The following GEMIN2 variants were observed in gnomAD, a reference collection of about 807,000 sequenced individuals.
GEMIN2 encodes the protein gem-associated protein 2.
In GEMIN2, 37 loss-of-function variants were observed where a neutral mutation model predicts 45.8. The ratio of observed to expected loss-of-function variants is 0.81; its 90% CI spans 0.62 to 1.06. The LOEUF is 1.06. Among genes scored for constraint, GEMIN2 ranks in the 50% least tolerant of loss-of-function variants. The probability of loss-of-function intolerance (pLI) is 0.00; values close to 1 mark genes in which losing one functional copy is unlikely to be tolerated. For missense variants in GEMIN2, 335 were observed against 321.8 expected (o/e 1.04, Z -0.31); for synonymous variants, 101 against 111.5 (o/e 0.91, Z 0.60).
intron 6 of GEMIN2, among the ~76,000 whole-genome samples, 153 bp downstream of exon 6, chr14:39,125,189 A>G (rs1195109298): frequency 6.6e-6 from 1 of 152,206 alleles, no homozygotes; most frequent in Non-Finnish European, 1.5e-5. Context: ...ACAACCCTCT[A>G]TGGAGAGTTA....
intron 2 of GEMIN2, among the ~76,000 whole-genome samples, 188 bp downstream of exon 2, chr14:39,115,101 G>A (rs2052484501): frequency 1.3e-5 from 2 of 152,230 alleles, no homozygotes; most frequent in Admixed American, 1.3e-4. Context: ...GAGGCTTTCT[G>A]TAACTCTAGC....
At position 39,114,365 on chromosome 14, in the gene GEMIN2, A is replaced by G; in HGVS notation, c.27A>G (p.Ala9=). The G allele has an allele frequency of 1.2e-6, 2 of 1,613,832 alleles. No individual in the cohort carries two copies. Among genetic ancestry groups the G allele is most frequent in the East Asian group, 2.2e-5 (1 of 44,884 alleles). Residue 9 remains alanine (A), a synonymous_variant, in exon 1 of 10, where the codon GCA becomes GCG. Transcript: ENST00000308317. ...TGGCGTGGGTACCAGCGGAGTCCGC[A>G]GTGGAAGAGTTGATGCCTCGGCTAT... is the stretch of plus-strand genomic sequence containing the variant. MAWVPAES[A]VEELMPRLLP...
chr14:39,127,092 T>C (rs1207014890), intron 6 of GEMIN2, among the ~76,000 whole-genome samples: 38 of 145,780 alleles, frequency 2.6e-4, no homozygotes, highest in Non-Finnish European at 2.6e-4. Flanking sequence ...AAATACATCT[T>C]TTTTTTTTTT....
At position 39,125,032 on chromosome 14, in the gene GEMIN2, A is replaced by G; in HGVS notation, c.527A>G (p.Asn176Ser). The change falls in exon 6 of 10, where the codon AAT becomes AGT. Residue 176 changes from asparagine to serine, a missense_variant. Asn to Ser is a conservative substitution (Grantham distance 46). Transcript: ENST00000308317. ...PPLLSIVSRM[N>S]QATVTSVLEY... ...TTGCTTAGTATTGTTAGCAGAATGA[A>G]TCAGGTAAAATTAATAATAGAGATA... 2.1e-6 allele frequency: 3 copies of G among 1,413,596 alleles called. No individual in the cohort carries two copies. The highest frequency in any genetic ancestry group is 1.4e-5 in the African/African-American group (1 of 70,908). The allele number at this position is 1,413,596 out of a possible 1,614,324, so 87.6% of individuals were successfully genotyped here.
chr14:39,119,073 C>G (rs188292563), intron 4 of GEMIN2, among the ~76,000 whole-genome samples: 1 of 152,218 alleles, frequency 6.6e-6, no homozygotes, highest in Admixed American at 6.5e-5. Context: ...CTGTACCCAG[C>G]CTTTCATGTC....
Position 39,132,058 on chromosome 14 carries a change from G to A in GEMIN2, c.701G>A (p.Arg234Lys). Reference protein sequence around the residue: ...RQLARRCSEVRLLVDSKDDER... With the variant: ...RQLARRCSEVKLLVDSKDDER... ...CTTGCAAGAAGGTGCTCTGAAGTGAGGCTCTTAGTGGTAAGTTGCAACTTA... is the reference window on the plus strand; with the variant it reads ...CTTGCAAGAAGGTGCTCTGAAGTGAAGCTCTTAGTGGTAAGTTGCAACTTA... The change falls in exon 8 of 10, where the codon AGG (arginine) becomes AAG (lysine). Residue 234 changes from arginine to lysine, a missense_variant. Coordinates refer to ENST00000308317, the MANE Select transcript of GEMIN2 (RefSeq NM_003616.3). 6.7e-7 allele frequency: 1 copy of A among 1,495,962 alleles called. No individual in the cohort carries two copies. Among genetic ancestry groups the A allele is most frequent in the Non-Finnish European group, 9.3e-7 (1 of 1,072,984 alleles). 92.7% of individuals were successfully genotyped at this position (1,495,962 alleles called of 1,614,324 possible). A position where few individuals can be genotyped will look rare whatever the true frequency, so the allele number is the denominator to read the frequency against.
At chr14:39,130,010 G>A (rs1425693723) in intron 7 of GEMIN2, among the ~76,000 whole-genome samples, 1 of 137,018 alleles carries the variant, frequency 7.3e-6, no homozygotes, top group South Asian at 2.2e-4. Context: ...GTGCCATCTC[G>A]GCTCACTGCA....
chr14:39,123,834 C>A (rs1219302498), intron 5 of GEMIN2, among the ~76,000 whole-genome samples: 1 of 148,370 alleles, frequency 6.7e-6, no homozygotes, highest in Admixed American at 6.8e-5. Flanking sequence ...AATCCTCCCA[C>A]GTCAGCCTTC....
intron 5 of GEMIN2, 45 bp from the exon 6 acceptor site, chr14:39,124,947 C>CT (rs2052621306): frequency 1.0e-6 from 1 of 972,536 alleles, no homozygotes; most frequent in African/African-American, 1.6e-5. Flanking sequence ...AAAAATGAAG[C>CT]TTATAATACC....
intron 8 of GEMIN2, among the ~76,000 whole-genome samples, 175 bp from the exon 9 acceptor site, chr14:39,133,486 A>C (rs1339431081): frequency 6.6e-6 from 1 of 150,924 alleles, no homozygotes; most frequent in African/African-American, 2.4e-5. Flanking sequence ...GATGTTTCTC[A>C]AGGAATCATT....
intron 9 of GEMIN2, 82 bp downstream of exon 9, chr14:39,133,801 T>G: frequency 1.2e-6 from 1 of 825,168 alleles, no homozygotes. Flanking sequence ...TGGTTTTTGT[T>G]TGGTTGGTTT....
chr14:39,131,009 G>A (rs924665737), intron 7 of GEMIN2, among the ~76,000 whole-genome samples: 1 of 151,674 alleles, frequency 6.6e-6, no homozygotes, highest in Admixed American at 6.6e-5. Context: ...TTGAAAAAAG[G>A]TTGTACAGCC....
Position 39,114,366 on chromosome 14 carries a change from G to C in GEMIN2, c.28G>C (p.Val10Leu). The C allele has an allele frequency of 6.2e-7, 1 of 1,613,936 alleles. No homozygotes were observed. The highest frequency in any genetic ancestry group is 1.1e-5 in the South Asian group (1 of 91,074). MAWVPAESA[V>L]EELMPRLLPV... ...GGCGTGGGTACCAGCGGAGTCCGCA[G>C]TGGAAGAGTTGATGCCTCGGCTATT... is the stretch of plus-strand genomic sequence containing the variant. The change falls in exon 1 of 10, where the codon GTG becomes CTG. Residue 10 changes from valine (V) to leucine (L), a missense_variant. By Grantham distance (32) the Val-to-Leu change is conservative (BLOSUM62 1). Coordinates refer to ENST00000308317, the MANE Select transcript of GEMIN2 (RefSeq NM_003616.3).
intron 6 of GEMIN2, among the ~76,000 whole-genome samples, chr14:39,126,795 C>G (rs560895030): frequency 5.3e-5 from 8 of 152,196 alleles, no homozygotes; most frequent in Non-Finnish European, 1.2e-4. Context: ...GAGAGGGAGT[C>G]TCGCTCTGTC....
chr14:39,123,940 TG>T (rs1383881065), intron 5 of GEMIN2, among the ~76,000 whole-genome samples: 3 of 151,366 alleles, frequency 2.0e-5, no homozygotes, highest in Admixed American at 2.0e-4. Context: ...AAAATTTTTT[TG>T]TAGAGAGAAG....
chr14:39,115,997 A>G (rs1449725951), intron 2 of GEMIN2, among the ~76,000 whole-genome samples: 1 of 152,194 alleles, frequency 6.6e-6, no homozygotes, highest in Non-Finnish European at 1.5e-5. Context: ...ATAATAATCA[A>G]TAAATGACAG....
intron 3 of GEMIN2, 33 bp from the exon 4 acceptor site, chr14:39,118,507 G>C (rs1314055462): frequency 6.2e-6 from 6 of 973,930 alleles, no homozygotes; most frequent in Non-Finnish European, 1.0e-5. Context: ...TTTTTGAAGA[G>C]TACCATCTAA....
chr14:39,133,304 A>G (rs1257513722), intron 8 of GEMIN2, among the ~76,000 whole-genome samples: 1 of 18,812 alleles, frequency 5.3e-5, no homozygotes, highest in African/African-American at 2.2e-4. Context: ...TAAGACACAT[A>G]TATAATATAT....
At chr14:39,120,165 G>A (rs2052557451) in intron 4 of GEMIN2, among the ~76,000 whole-genome samples, 1 of 152,200 alleles carries the variant, frequency 6.6e-6, no homozygotes, top group Admixed American at 6.5e-5. Context: ...CATCAGAACA[G>A]TGGAATATTA....
Sources: allele counts gnomAD v4.1 joint callset (sites outside exome capture counted in the v4.1 genomes callset), GRCh38; gene constraint gnomAD v4.1.1; transcripts MANE v1.5; gene names NCBI Gene and HGNC (gene_info 2026-07-23, HGNC 2026-07-21).